Variants in SNTG1 observed in about 807,000 individuals in gnomAD.
SNTG1 encodes gamma-1-syntrophin.
Under a neutral mutation model 74.7 loss-of-function variants are expected in SNTG1, and 39 were observed. That is an observed-to-expected ratio of 0.52 (90% CI 0.40 to 0.68). The LOEUF is 0.68. Ranked by LOEUF, SNTG1 falls within the 30% of genes least tolerant of loss-of-function variation. The pLI, the probability that SNTG1 is intolerant of heterozygous loss-of-function variation, is 0.00. For missense variants in SNTG1, 685 were observed against 609.5 expected (o/e 1.12, Z -1.30); for synonymous variants, 254 against 217.1 (o/e 1.17, Z -1.49).
chr8:50,762,817 T>C (rs1382489228), intron 18 of SNTG1: 1 of 425,986 alleles, frequency 2.3e-6, no homozygotes, highest in African/African-American at 2.0e-5. Context: ...CTCTTTTAAG[T>C]CTCTTGAGCA....
chr8:50,397,676 G>C (rs527631131), intron 3 of SNTG1, among the ~76,000 whole-genome samples: 1 of 152,188 alleles, frequency 6.6e-6, no homozygotes, highest in Non-Finnish European at 1.5e-5. Flanking sequence ...CCCATTAGGA[G>C]ATTATTGATA....
chr8:50,203,730 T>A (rs1382683139), intron 2 of SNTG1, among the ~76,000 whole-genome samples: 1 of 150,852 alleles, frequency 6.6e-6, no homozygotes, highest in African/African-American at 2.4e-5. Flanking sequence ...TTGTCATTGC[T>A]ATGTGGCAGA....
At chr8:50,064,473 T>C (rs1441069709) in intron 1 of SNTG1, among the ~76,000 whole-genome samples, 2 of 152,220 alleles carry the variant, frequency 1.3e-5, no homozygotes, top group African/African-American at 4.8e-5. Context: ...CTTTCCCGTT[T>C]GCACTTTTTA....
chr8:50,012,124 G>C (rs1815869308), intron 1 of SNTG1, among the ~76,000 whole-genome samples: 2 of 137,692 alleles, frequency 1.5e-5, no homozygotes, highest in South Asian at 4.1e-4. Flanking sequence ...TCACACACAT[G>C]TTAATTTCAA....
chr8:50,391,599 G>C (rs892130611), intron 2 of SNTG1, among the ~76,000 whole-genome samples: 4 of 152,184 alleles, frequency 2.6e-5, no homozygotes, highest in African/African-American at 9.6e-5. Flanking sequence ...ATGAGTTAGG[G>C]AGGATTCCCT....
chr8:50,198,328 G>A lies in SNTG1; in HGVS notation c.-28+25693G>A, dbSNP rs567899606. On this transcript the variant is annotated intron_variant, in intron 2 of 18. Coordinates refer to ENST00000642720, the MANE Select transcript of SNTG1 (RefSeq NM_018967.5). ...TTTGGCGACTTGTCCTGCTAATAGC[G>A]TTTTTCCTTTCCTGGTTTTATCATG... Among the ~76,000 whole-genome samples, 214 of 152,256 alleles carry A rather than the reference G, an allele frequency of 1.4e-3. 2 individuals are homozygous for A. Among genetic ancestry groups the A allele is most frequent in the African/African-American group, 4.8e-3 (199 of 41,548 alleles).
intron 2 of SNTG1, among the ~76,000 whole-genome samples, chr8:50,258,848 A>G (rs978169383): frequency 1.3e-5 from 2 of 152,180 alleles, no homozygotes; most frequent in Non-Finnish European, 2.9e-5. Context: ...TGAGATTACC[A>G]GAAGAGAGGA....
At chr8:50,544,554 G>A (rs2094372324) in intron 11 of SNTG1, among the ~76,000 whole-genome samples, 1 of 151,926 alleles carries the variant, frequency 6.6e-6, no homozygotes, top group African/African-American at 2.4e-5. Context: ...ATTATTTGAA[G>A]ACATTTAGCT....
At chr8:49,941,081 C>T (rs187591252) in intron 1 of SNTG1, among the ~76,000 whole-genome samples, 35 of 152,194 alleles carry the variant, frequency 2.3e-4, no homozygotes, top group Non-Finnish European at 4.4e-4. Context: ...AGTGGGGCAC[C>T]CCCTCTTCTC....
At chr8:50,182,960 G>A (rs1158326689) in intron 2 of SNTG1, among the ~76,000 whole-genome samples, 1 of 152,026 alleles carries the variant, frequency 6.6e-6, no homozygotes, top group African/African-American at 2.4e-5. Flanking sequence ...TTTATCCTCA[G>A]AGACACCATC....
At chr8:50,421,315 G>T (rs1236991781) in intron 4 of SNTG1, among the ~76,000 whole-genome samples, 1 of 152,106 alleles carries the variant, frequency 6.6e-6, no homozygotes, top group African/African-American at 2.4e-5. Flanking sequence ...CATATTTATG[G>T]TTATTTCTTG....
At chr8:50,776,935 A>C (rs2095642479) in intron 18 of SNTG1, among the ~76,000 whole-genome samples, 1 of 151,812 alleles carries the variant, frequency 6.6e-6, no homozygotes, top group Non-Finnish European at 1.5e-5. Context: ...ATGATTTCTG[A>C]TGAGAAATTC....
intron 1 of SNTG1, among the ~76,000 whole-genome samples, chr8:50,162,016 A>C (rs2082432877): frequency 1.3e-5 from 2 of 152,260 alleles, no homozygotes; most frequent in South Asian, 2.1e-4. Context: ...AGAGAAGAGG[A>C]AGGAGGAAGA....
At chr8:50,173,440 T>C (rs1247086914) in intron 2 of SNTG1, among the ~76,000 whole-genome samples, 1 of 152,168 alleles carries the variant, frequency 6.6e-6, no homozygotes, top group Non-Finnish European at 1.5e-5. Context: ...CACTGATATA[T>C]GTTGGGTTTC....
At chr8:50,618,720 C>G (rs2094900837) in intron 13 of SNTG1, among the ~76,000 whole-genome samples, 1 of 152,118 alleles carries the variant, frequency 6.6e-6, no homozygotes, top group African/African-American at 2.4e-5. Flanking sequence ...GACTGATGGC[C>G]CAGCTTCTTA....
chr8:50,414,535 G>T (rs1013486159), intron 4 of SNTG1, among the ~76,000 whole-genome samples: 1 of 151,952 alleles, frequency 6.6e-6, no homozygotes, highest in Non-Finnish European at 1.5e-5. Flanking sequence ...GTCTCTGCTC[G>T]TACAGACTTC....
intron 2 of SNTG1, among the ~76,000 whole-genome samples, chr8:50,196,465 G>A (rs747708912): frequency 1.5e-4 from 23 of 152,106 alleles, no homozygotes; most frequent in African/African-American, 4.6e-4. Flanking sequence ...TCTTTAAGCC[G>A]TGTCTACTTT....
chr8:50,303,043 T>C (rs2089720465), intron 2 of SNTG1, among the ~76,000 whole-genome samples: 1 of 152,208 alleles, frequency 6.6e-6, no homozygotes. Flanking sequence ...CAAAATGTCT[T>C]AAAATTTCTC....
At chr8:50,514,496 T>C (rs2094114693) in intron 9 of SNTG1, among the ~76,000 whole-genome samples, 1 of 152,206 alleles carries the variant, frequency 6.6e-6, no homozygotes. Context: ...TATTGGTTTT[T>C]CAAAACTTCA....
Sources: gnomAD v4.1 joint callset for allele counts (sites outside exome capture counted in the v4.1 genomes callset) on GRCh38, gnomAD v4.1.1 for gene constraint, MANE v1.5 for transcripts, NCBI Gene and HGNC (gene_info 2026-07-23, HGNC 2026-07-21) for gene names.